CTDP1: variants seen among roughly 807,000 people sequenced by gnomAD.
The protein encoded by CTDP1 is CTD phosphatase 1.
A neutral mutation model predicts 91.8 loss-of-function variants in CTDP1; 47 were observed. That is an observed-to-expected ratio of 0.51 (90% CI 0.41 to 0.65). The LOEUF (loss-of-function observed/expected upper bound fraction) is 0.65, where lower values mean the gene tolerates loss of function less well. Among genes scored for constraint, CTDP1 ranks in the 30% least tolerant of loss-of-function variants. CTDP1 has a pLI of 0.00. For synonymous variants in CTDP1, 656 were observed against 598.5 expected (o/e 1.10, Z -1.40); for missense variants, 1,272 against 1,373.7 (o/e 0.93, Z 1.17).
At chr18:79,736,813 G>A (rs1161584377) in intron 12 of CTDP1, among the ~76,000 whole-genome samples, 1 of 151,854 alleles carries the variant, frequency 6.6e-6, no homozygotes, top group Non-Finnish European at 1.5e-5. Flanking sequence ...GCGTGTGGTG[G>A]GGGTATGCAC....
rs771179575 is a variant in CTDP1, at chr18:79,679,974, T to G, written c.27T>G (p.Val9=). The part of the protein sequence containing the change: MEVPAAGR[V]PAEGAPTAAV... ...TGGAGGTGCCGGCCGCGGGTCGCGTTCCTGCCGAGGGCGCCCCGACGGCGG... is the reference window on the plus strand; with the variant it reads ...TGGAGGTGCCGGCCGCGGGTCGCGTGCCTGCCGAGGGCGCCCCGACGGCGG... The change falls in exon 1 of 13, where the codon GTT becomes GTG. Residue 9 remains valine (V), a synonymous_variant. Coordinates refer to ENST00000613122, the MANE Select transcript of CTDP1 (RefSeq NM_004715.5). 2.6e-5 allele frequency: 36 copies of G among 1,371,530 alleles called. No homozygotes were observed. The South Asian group carries it at 5.1e-4, about 19-fold the overall frequency. The allele number at this position is 1,371,530 out of a possible 1,614,324, so 85.0% of individuals were successfully genotyped here. A position where few individuals can be genotyped will look rare whatever the true frequency, so the allele number is the denominator to read the frequency against.
In CTDP1 at chr18:79,714,829, G is replaced by T. The variant is rs146328456; in HGVS notation, c.1369G>T (p.Asp457Tyr). 1.2e-6 allele frequency: 2 copies of T among 1,600,260 alleles called. No homozygotes were observed. The change falls in exon 8 of 13, where the codon GAC becomes TAC. Residue 457 changes from aspartate (D) to tyrosine (Y), a missense_variant. Around this residue, in one of 3 missense-constraint regions of CTDP1, gnomAD observed 881 missense variants for 911.6 expected, o/e 0.97. Transcript: ENST00000613122. Reference protein sequence around the residue: ...GTDLDFDLSSDSESSSESEGT... With the variant: ...GTDLDFDLSSYSESSSESEGT... ...TGACCTGGACTTTGACTTATCCAGC[G>T]ACAGCGAGAGCAGCAGTGAGTCCGA... is the stretch of plus-strand genomic sequence containing the variant.
chr18:79,712,353 C>T (rs2086102077), intron 6 of CTDP1, among the ~76,000 whole-genome samples: 3 of 152,208 alleles, frequency 2.0e-5, no homozygotes, highest in South Asian at 2.1e-4. Flanking sequence ...GTGGTCTCAG[C>T]TCACCACAGT....
intron 6 of CTDP1, 96 bp downstream of exon 6, chr18:79,710,532 T>G: frequency 1.1e-6 from 1 of 939,602 alleles, no homozygotes; most frequent in Non-Finnish European, 1.7e-6. Flanking sequence ...TCTTTTTTTC[T>G]TTTTTTTTGA....
chr18:79,750,055 A>AC (rs754485254), intron 12 of CTDP1: 4 of 151,778 alleles, frequency 2.6e-5, no homozygotes, highest in Non-Finnish European at 5.9e-5. Context: ...CAACACAGGC[A>AC]CGGGCACAAG....
intron 4 of CTDP1, among the ~76,000 whole-genome samples, chr18:79,702,430 G>A (rs564910466): frequency 6.6e-6 from 1 of 152,300 alleles, no homozygotes; most frequent in African/African-American, 2.4e-5. Flanking sequence ...CTGGAGTGCA[G>A]TGACACGATC....
intron 4 of CTDP1, among the ~76,000 whole-genome samples, chr18:79,702,158 C>G (rs2085872787): frequency 6.6e-6 from 1 of 152,132 alleles, no homozygotes; most frequent in African/African-American, 2.4e-5. Context: ...ACAGAGAAAC[C>G]TTTTGTGAAA....
chr18:79,720,774 T>C (rs2086328817), intron 10 of CTDP1, among the ~76,000 whole-genome samples: 1 of 152,206 alleles, frequency 6.6e-6, no homozygotes, highest in African/African-American at 2.4e-5. Flanking sequence ...TTTCTGACGC[T>C]GACGACCCAC....
intron 10 of CTDP1, 103 bp from the exon 11 acceptor site, chr18:79,728,804 G>T: frequency 9.3e-7 from 1 of 1,079,922 alleles, no homozygotes; most frequent in South Asian, 1.4e-5. Flanking sequence ...CTGTTGGGGT[G>T]TGTGAGTGTT....
At chr18:79,682,518 A>G (rs929247115) in intron 1 of CTDP1, among the ~76,000 whole-genome samples, 1 of 152,200 alleles carries the variant, frequency 6.6e-6, no homozygotes, top group Non-Finnish European at 1.5e-5. Context: ...CTCTTTATAC[A>G]CAATTTACAG....
chr18:79,731,878 AACTC>A (rs1486988486), intron 11 of CTDP1, among the ~76,000 whole-genome samples: 1 of 152,296 alleles, frequency 6.6e-6, no homozygotes, highest in Admixed American at 6.5e-5. Context: ...GAGATGTAAG[AACTC>A]ACTAACATCA....
intron 12 of CTDP1, among the ~76,000 whole-genome samples, chr18:79,741,441 G>T (rs2086776148): frequency 6.6e-6 from 1 of 152,238 alleles, no homozygotes; most frequent in Non-Finnish European, 1.5e-5. Context: ...ACATAGCACA[G>T]CATGGTGGGA....
chr18:79,681,455 T>G (rs2122338550), intron 1 of CTDP1: 2 of 985,398 alleles, frequency 2.0e-6, no homozygotes. Flanking sequence ...GGATGGAAGA[T>G]CCCTACTGAG....
upstream of CTDP1, among the ~76,000 whole-genome samples, chr18:79,676,847 T>G (rs1197945577): frequency 6.6e-6 from 1 of 152,238 alleles, no homozygotes; most frequent in East Asian, 1.9e-4. Flanking sequence ...TTTTTTCTCA[T>G]GATACTTGTA....
At chr18:79,727,865 C>T (rs1568206841) in intron 10 of CTDP1, among the ~76,000 whole-genome samples, 2 of 152,140 alleles carry the variant, frequency 1.3e-5, no homozygotes, top group South Asian at 4.1e-4. Flanking sequence ...CGCACCACCC[C>T]TTTCCCAGAG....
intron 12 of CTDP1, among the ~76,000 whole-genome samples, chr18:79,748,831 C>T (rs558948874): frequency 1.3e-5 from 2 of 151,960 alleles, no homozygotes; most frequent in African/African-American, 4.8e-5. Flanking sequence ...GCCTGGGAGC[C>T]GTGACTGCAC....
chr18:79,712,878 T>C, intron 6 of CTDP1, 94 bp from the exon 7 acceptor site: 5 of 1,355,920 alleles, frequency 3.7e-6, no homozygotes, highest in Non-Finnish European at 5.2e-6. Context: ...GCTGGTTACA[T>C]GTGGATTAGA....
chr18:79,697,421 A>G (rs1425529613), intron 3 of CTDP1, among the ~76,000 whole-genome samples: 2 of 152,232 alleles, frequency 1.3e-5, no homozygotes, highest in East Asian at 3.8e-4. Flanking sequence ...TTCGAGGCAC[A>G]AGAATAGGCT....
chr18:79,728,618 C>T (rs1422543090), intron 10 of CTDP1, among the ~76,000 whole-genome samples: 1 of 107,848 alleles, frequency 9.3e-6, no homozygotes, highest in Non-Finnish European at 2.3e-5. Context: ...ATGCCAGAGC[C>T]TGGCAGATGC....
Sources: allele counts gnomAD v4.1 joint callset (sites outside exome capture counted in the v4.1 genomes callset), GRCh38; gene constraint gnomAD v4.1.1; regional missense constraint gnomAD v4.1.1; transcripts MANE v1.5; gene names NCBI Gene and HGNC (gene_info 2026-07-23, HGNC 2026-07-21).